The following UBL3 variants were observed in gnomAD, a reference collection of about 807,000 sequenced individuals.
UBL3 encodes ubiquitin-like protein 3.
A neutral mutation model predicts 18.4 loss-of-function variants in UBL3; 6 were observed. The observed-to-expected ratio is 0.33, with a 90% CI of 0.18 to 0.64. The LOEUF (loss-of-function observed/expected upper bound fraction) is 0.64, where lower values mean the gene tolerates loss of function less well. Among genes scored for constraint, UBL3 ranks in the 30% least tolerant of loss-of-function variants. The probability of loss-of-function intolerance (pLI) is 0.76; values close to 1 mark genes in which losing one functional copy is unlikely to be tolerated. For missense variants in UBL3, 109 were observed against 142.9 expected (o/e 0.76, Z 1.21); for synonymous variants, 49 against 46.6 (o/e 1.05, Z -0.21).
chr13:29,833,760 T>G (rs1051287514), intron 1 of UBL3, among the ~76,000 whole-genome samples: 7 of 152,228 alleles, frequency 4.6e-5, no homozygotes, highest in African/African-American at 1.4e-4. Context: ...TTTCACTTAT[T>G]TTGTTCAATG....
intron 1 of UBL3, among the ~76,000 whole-genome samples, chr13:29,780,643 G>A (rs866402401): frequency 1.3e-5 from 2 of 151,880 alleles, no homozygotes. Context: ...ATATTCATGG[G>A]TTGCTAAACA....
chr13:29,832,007 G>T (rs926274847), intron 1 of UBL3, among the ~76,000 whole-genome samples: 13 of 152,112 alleles, frequency 8.5e-5, no homozygotes. Flanking sequence ...GACACAAGTA[G>T]CCCAGCACGT....
intron 1 of UBL3, among the ~76,000 whole-genome samples, chr13:29,822,075 A>G (rs1311000183): frequency 6.6e-6 from 1 of 152,228 alleles, no homozygotes; most frequent in African/African-American, 2.4e-5. Context: ...TTGAATATAT[A>G]TGGTAGGGAA....
intron 1 of UBL3, among the ~76,000 whole-genome samples, chr13:29,809,028 GGTATT>G (rs1244977966): frequency 6.6e-6 from 1 of 151,996 alleles, no homozygotes; most frequent in African/African-American, 2.4e-5. Flanking sequence ...ATCTCTACAA[GGTATT>G]AATCATGCAT....
At chr13:29,812,644 T>C (rs1342301948) in intron 1 of UBL3, among the ~76,000 whole-genome samples, 2 of 152,044 alleles carry the variant, frequency 1.3e-5, no homozygotes, top group East Asian at 1.9e-4. Context: ...TAAAAATTGA[T>C]ATATGAGATT....
At chr13:29,800,089 AATT>A in intron 1 of UBL3, among the ~76,000 whole-genome samples, 1 of 152,242 alleles carries the variant, frequency 6.6e-6, no homozygotes, top group African/African-American at 2.4e-5. Context: ...TTTAAAATCC[AATT>A]GCTGAACAGT....
intron 3 of UBL3, among the ~76,000 whole-genome samples, chr13:29,769,851 T>A (rs1335430750): frequency 1.3e-5 from 2 of 152,076 alleles, no homozygotes; most frequent in Non-Finnish European, 2.9e-5. Flanking sequence ...ATTTCAAGAA[T>A]GGCAGAGAAT....
At chr13:29,780,930 T>C (rs1593652835) in intron 1 of UBL3, among the ~76,000 whole-genome samples, 1 of 152,190 alleles carries the variant, frequency 6.6e-6, no homozygotes, top group Non-Finnish European at 1.5e-5. Flanking sequence ...TCCCAGCACT[T>C]TGCGAGGCTG....
intron 1 of UBL3, among the ~76,000 whole-genome samples, chr13:29,817,893 A>G (rs1421186828): frequency 6.6e-6 from 1 of 152,210 alleles, no homozygotes; most frequent in African/African-American, 2.4e-5. Context: ...GATCCAGAGA[A>G]TGTTTTAAAC....
At chr13:29,847,801 A>T (rs1879265213) in intron 1 of UBL3, among the ~76,000 whole-genome samples, 1 of 152,226 alleles carries the variant, frequency 6.6e-6, no homozygotes, top group South Asian at 2.1e-4. Context: ...AGCATTTCCC[A>T]GCTCTGTCTA....
At chr13:29,824,005 G>C (rs1878550449) in intron 1 of UBL3, among the ~76,000 whole-genome samples, 1 of 152,054 alleles carries the variant, frequency 6.6e-6, no homozygotes, top group African/African-American at 2.4e-5. Flanking sequence ...ATGGTTTCCA[G>C]CTTCATCCAT....
At chr13:29,780,870 C>T (rs889566452) in intron 1 of UBL3, among the ~76,000 whole-genome samples, 2 of 152,036 alleles carry the variant, frequency 1.3e-5, no homozygotes, top group African/African-American at 4.8e-5. Context: ...AAGTTTATAA[C>T]TTTGAATTAA....
intron 1 of UBL3, among the ~76,000 whole-genome samples, chr13:29,792,942 A>G (rs2139325836): frequency 6.6e-6 from 1 of 152,350 alleles, no homozygotes; most frequent in South Asian, 2.1e-4. Context: ...ATGCTAATTA[A>G]CATAATCATT....
At chr13:29,787,879 A>C (rs574582182) in intron 1 of UBL3, among the ~76,000 whole-genome samples, 22 of 152,190 alleles carry the variant, frequency 1.4e-4, no homozygotes, top group Non-Finnish European at 1.6e-4. Flanking sequence ...GGTAAAGGCA[A>C]AGCACTAGAG....
At chr13:29,777,025 A>C (rs1339069934) in intron 2 of UBL3, 130 bp downstream of exon 2, 1 of 636,852 alleles carries the variant, frequency 1.6e-6, no homozygotes, top group Non-Finnish European at 2.5e-6. Context: ...TGATCCTCTA[A>C]ATCTGAGCCT....
At chr13:29,786,872 C>T (rs1193173892) in intron 1 of UBL3, among the ~76,000 whole-genome samples, 1 of 105,242 alleles carries the variant, frequency 9.5e-6, no homozygotes, top group East Asian at 3.0e-4. Flanking sequence ...TTTACCTACC[C>T]TATGAGGTAG....
At chr13:29,828,673 A>G (rs754857925) in intron 1 of UBL3, among the ~76,000 whole-genome samples, 1 of 152,108 alleles carries the variant, frequency 6.6e-6, no homozygotes, top group Non-Finnish European at 1.5e-5. Flanking sequence ...TCTTCTCTCA[A>G]CTCGTCAAAG....
chr13:29,838,303 C>T (rs1284118267), intron 1 of UBL3, among the ~76,000 whole-genome samples: 2 of 152,122 alleles, frequency 1.3e-5, no homozygotes, highest in African/African-American at 4.8e-5. Context: ...AAGACCTGCA[C>T]TAAAAGTTCC....
At chr13:29,801,875 G>A (rs544230891) in intron 1 of UBL3, among the ~76,000 whole-genome samples, 27 of 152,198 alleles carry the variant, frequency 1.8e-4, no homozygotes, top group Non-Finnish European at 3.5e-4. Flanking sequence ...CTGGGGTGGA[G>A]CCCCAAGAGG....
Sources: gnomAD v4.1 joint callset for allele counts (sites outside exome capture counted in the v4.1 genomes callset) on GRCh38, gnomAD v4.1.1 for gene constraint, MANE v1.5 for transcripts, NCBI Gene and HGNC (gene_info 2026-07-23, HGNC 2026-07-21) for gene names.